Variants in PCDHA8 observed in about 807,000 individuals in gnomAD.
PCDHA8 encodes protocadherin alpha-8.
In PCDHA8, 53 loss-of-function variants were observed where a neutral mutation model predicts 61.8. That is an observed-to-expected ratio of 0.86 (90% CI 0.69 to 1.08). The LOEUF is 1.08. Ranked by LOEUF, PCDHA8 falls within the 50% of genes least tolerant of loss-of-function variation. The pLI, the probability that PCDHA8 is intolerant of heterozygous loss-of-function variation, is 0.00. For synonymous variants in PCDHA8, 618 were observed against 556.6 expected, an observed-to-expected ratio of 1.11 and a Z score of -1.55; for missense variants, 1,293 against 1,245.0, an observed-to-expected ratio of 1.04 and a Z score of -0.58.
intron 2 of PCDHA8, among the ~76,000 whole-genome samples, chr5:140,980,556 G>A (rs1355966555): frequency 6.6e-6 from 1 of 152,126 alleles, no homozygotes; most frequent in Non-Finnish European, 1.5e-5. Flanking sequence ...CTTGAACCCG[G>A]GAGGCGGAAG....
intron 1 of PCDHA8, among the ~76,000 whole-genome samples, chr5:140,946,263 G>T (rs1168857420): frequency 6.6e-6 from 1 of 151,750 alleles, no homozygotes; most frequent in East Asian, 1.9e-4. Flanking sequence ...AGAAAAATGC[G>T]AATTAAAACC....
chr5:140,960,519 G>C (rs188949970), intron 1 of PCDHA8, among the ~76,000 whole-genome samples: 19 of 152,198 alleles, frequency 1.2e-4, no homozygotes, highest in Admixed American at 1.2e-3. Context: ...AACATAATGG[G>C]TATAGGAAAG....
intron 3 of PCDHA8, among the ~76,000 whole-genome samples, chr5:141,009,295 A>AT (rs1258767808): frequency 6.6e-6 from 1 of 152,030 alleles, no homozygotes; most frequent in African/African-American, 2.4e-5. Flanking sequence ...TTTCTATAAA[A>AT]TTTTTTTTAA....
At chr5:140,959,607 C>T (rs2095500489) in intron 1 of PCDHA8, among the ~76,000 whole-genome samples, 1 of 151,986 alleles carries the variant, frequency 6.6e-6, no homozygotes, top group African/African-American at 2.4e-5. Flanking sequence ...ACATGCTTTT[C>T]TTGCTTGTGA....
At position 140,857,752 on chromosome 5, in the gene PCDHA8, C is replaced by G. The variant is rs7725388; in HGVS notation, c.2394+14037C>G. ...ACGCTCCCGCGCTGCTGGCGTCTCCCGCTGGCAGCGCGGGCGGTGCAGTCA... is the reference window on the plus strand; with the variant it reads ...ACGCTCCCGCGCTGCTGGCGTCTCCGGCTGGCAGCGCGGGCGGTGCAGTCA... On this transcript the variant is annotated intron_variant, in intron 1 of 3. Transcript: ENST00000531613. The G allele has an allele frequency of 4.5e-3, 7,184 of 1,597,166 alleles. 625 individuals are homozygous for G. The African/African-American group carries it at 0.078, about 17-fold the overall frequency.
chr5:140,938,979 C>T (rs1485638673), intron 1 of PCDHA8, among the ~76,000 whole-genome samples: 2 of 152,158 alleles, frequency 1.3e-5, no homozygotes, highest in Non-Finnish European at 2.9e-5. Flanking sequence ...TCAAGGCTAT[C>T]CTGGCTTTAT....
chr5:140,854,198 CT>C, intron 1 of PCDHA8: 1 of 547,978 alleles, frequency 1.8e-6, no homozygotes, highest in Non-Finnish European at 2.3e-6. Flanking sequence ...CTACTCCCTA[CT>C]TTTTATTCAA....
At chr5:140,853,125 C>T (rs2150528645) in intron 1 of PCDHA8, 31 of 553,956 alleles carry the variant, frequency 5.6e-5, no homozygotes, top group South Asian at 1.5e-4. Context: ...ATGATCCTCC[C>T]GCCTCAGCCT....
intron 1 of PCDHA8, chr5:140,864,379 T>G (rs991413766): frequency 6.6e-6 from 1 of 152,364 alleles, no homozygotes; most frequent in African/African-American, 2.4e-5. Flanking sequence ...TCGATAAGTT[T>G]ATCTCTCACA....
rs79247475 is a variant in PCDHA8 at position 140,982,540 on chromosome 5, C to G, written c.2519C>G (p.Pro840Arg). The G allele has an allele frequency of 4.3e-3, 6,927 of 1,614,122 alleles. 34 individuals are homozygous for G. The highest frequency in any genetic ancestry group is 5.0e-3 in the South Asian group (455 of 91,080). Residue 840 changes from proline to arginine, a missense_variant, in exon 3 of 4, where the codon CCA becomes CGA. Physicochemically the swap from Pro to Arg is moderately radical, Grantham distance 103. Transcript: ENST00000531613. ...AGPGGPDQQW[P>R]TVSSATPEPE... ...CCAGGAGGGCCTGATCAGCAGTGGC[C>G]AACAGTATCCAGTGCAACACCAGGT...
chr5:140,850,794 A>G, intron 1 of PCDHA8: 2 of 1,598,296 alleles, frequency 1.3e-6, no homozygotes, highest in Non-Finnish European at 1.7e-6. Context: ...TAAGCAGAAG[A>G]CCGACCTCAT....
In PCDHA8 at chr5:140,873,562, T is replaced by C. The variant is rs2054348263; in HGVS notation, c.2394+29847T>C. On this transcript the variant is annotated intron_variant, in intron 1 of 3. Coordinates refer to ENST00000531613, the MANE Select transcript of PCDHA8 (RefSeq NM_018911.3). ...AAAATTATAATTTCAATTTATTTTCTAGTTTGGTTGTTTAAGTATTAAGCT... is the reference window on the plus strand; with the variant it reads ...AAAATTATAATTTCAATTTATTTTCCAGTTTGGTTGTTTAAGTATTAAGCT... Among the ~76,000 whole-genome samples, 7 of 149,812 alleles carry C rather than the reference T, an allele frequency of 4.7e-5. No individual in the cohort carries two copies. In the South Asian group the frequency reaches 1.5e-3, roughly 31 times the overall value.
At chr5:140,930,184 G>A (rs2153603505) in intron 1 of PCDHA8, 1 of 152,258 alleles carries the variant, frequency 6.6e-6, no homozygotes, top group South Asian at 2.1e-4. Context: ...GGAAAGATGA[G>A]TAATTTTTAT....
At chr5:140,904,436 T>C (rs1554191522) in intron 1 of PCDHA8, among the ~76,000 whole-genome samples, 1 of 151,240 alleles carries the variant, frequency 6.6e-6, no homozygotes, top group Admixed American at 6.6e-5. Flanking sequence ...TATATATGTA[T>C]ATTACAATTT....
chr5:140,861,018 C>T (rs1263823889), intron 1 of PCDHA8: 1 of 152,248 alleles, frequency 6.6e-6, no homozygotes, highest in South Asian at 2.1e-4. Context: ...CGAGTGCCAC[C>T]GCACCCGGCC....
chr5:140,979,615 A>G (rs965487699), intron 2 of PCDHA8, among the ~76,000 whole-genome samples: 1 of 152,258 alleles, frequency 6.6e-6, no homozygotes, highest in Non-Finnish European at 1.5e-5. Context: ...GAGTAACGGT[A>G]TTAGTCTAAG....
chr5:140,972,661 T>C, intron 1 of PCDHA8, among the ~76,000 whole-genome samples: 1 of 48,668 alleles, frequency 2.1e-5, no homozygotes, highest in South Asian at 6.9e-4. Flanking sequence ...AGAAACCAAA[T>C]TTTTTTTTTT....
chr5:140,955,234 G>C (rs1373509371), intron 1 of PCDHA8, among the ~76,000 whole-genome samples: 12 of 152,184 alleles, frequency 7.9e-5, no homozygotes, highest in Middle Eastern at 3.4e-3. Flanking sequence ...TTGTTCTTTT[G>C]CTTAGGATCG....
At chr5:140,857,595 T>C in intron 1 of PCDHA8, 2 of 1,595,942 alleles carry the variant, frequency 1.3e-6, no homozygotes, top group Non-Finnish European at 1.7e-6. Context: ...AGCGGCAAGG[T>C]GTACGCGCTG....
Sources: gnomAD v4.1 joint callset for allele counts (sites outside exome capture counted in the v4.1 genomes callset) on GRCh38, gnomAD v4.1.1 for gene constraint, MANE v1.5 for transcripts, NCBI Gene and HGNC (gene_info 2026-07-23, HGNC 2026-07-21) for gene names.